Variants in PCDHA1 observed in about 807,000 individuals in gnomAD.
PCDHA1 encodes the protein protocadherin alpha-1.
Under a neutral mutation model 61.3 loss-of-function variants are expected in PCDHA1, and 42 were observed. The ratio of observed to expected loss-of-function variants is 0.69; its 90% CI spans 0.54 to 0.89. The LOEUF is 0.89. Ranked by LOEUF, PCDHA1 falls within the 40% of genes least tolerant of loss-of-function variation. The pLI, the probability that PCDHA1 is intolerant of heterozygous loss-of-function variation, is 0.00. For missense variants in PCDHA1, 1,256 were observed against 1,235.3 expected, an observed-to-expected ratio of 1.02 and a Z score of -0.25; for synonymous variants, 610 against 553.8, an observed-to-expected ratio of 1.10 and a Z score of -1.43.
At chr5:140,996,831 T>C (rs1196344709) in intron 3 of PCDHA1, among the ~76,000 whole-genome samples, 1 of 152,204 alleles carries the variant, frequency 6.6e-6, no homozygotes, top group Non-Finnish European at 1.5e-5. Flanking sequence ...CTACCAATAA[T>C]TTAGCGTGCA....
chr5:140,850,803 A>C, intron 1 of PCDHA1: 1 of 1,598,380 alleles, frequency 6.3e-7, no homozygotes, highest in African/African-American at 1.3e-5. Flanking sequence ...GACCGACCTC[A>C]TGGCCTTCAG....
chr5:140,971,943 A>T (rs2096507947), intron 1 of PCDHA1, among the ~76,000 whole-genome samples: 1 of 152,186 alleles, frequency 6.6e-6, no homozygotes, highest in Non-Finnish European at 1.5e-5. Flanking sequence ...AGTTGTATCC[A>T]TCTGACTCCA....
At position 140,924,894 on chromosome 5, in the gene PCDHA1, CA is replaced by C. The variant is rs782133089; in HGVS notation, c.2395-54044del. 4.9e-4 allele frequency among the ~76,000 whole-genome samples: 35 copies of C among 71,496 alleles called. 1 individual carries two copies. Among genetic ancestry groups the C allele is most frequent in the Admixed American group, 2.6e-3 (18 of 6,864 alleles). The allele number at this position is 71,496 out of a possible 152,430, so 46.9% of individuals were successfully genotyped here. On this transcript the variant is annotated intron_variant, in intron 1 of 3. Coordinates refer to ENST00000504120, the MANE Select transcript of PCDHA1 (RefSeq NM_018900.4). Reference sequence around the variant, plus strand: ...TGGGTGACAGAGCAAGAACCTGTCTCAAAAAAAAAAATAAAATAAAATAAAA... The same window carrying C: ...TGGGTGACAGAGCAAGAACCTGTCTCAAAAAAAAAATAAAATAAAATAAAA...
chr5:140,876,330 A>G, intron 1 of PCDHA1: 2 of 1,614,042 alleles, frequency 1.2e-6, no homozygotes, highest in Admixed American at 1.7e-5. Flanking sequence ...TGATTTTGCC[A>G]GTGAGTGAGA....
intron 1 of PCDHA1, chr5:140,802,445 G>A: frequency 2.5e-6 from 4 of 1,614,240 alleles, no homozygotes; most frequent in Non-Finnish European, 3.4e-6. Context: ...TGGACCGCGA[G>A]AGCGTGTCGG....
chr5:140,979,186 C>T, intron 2 of PCDHA1, 179 bp downstream of exon 2: 2 of 914,118 alleles, frequency 2.2e-6, no homozygotes, highest in Non-Finnish European at 2.6e-6. Context: ...ATGGTCAGTG[C>T]CAGATGCTTA....
At chr5:140,828,744 G>T (rs1769918189) in intron 1 of PCDHA1, 30 of 1,614,110 alleles carry the variant, frequency 1.9e-5, no homozygotes, top group Non-Finnish European at 2.5e-5. Context: ...ACAGATGGGG[G>T]CAAACCTGAG....
At chr5:140,881,382 C>A in intron 1 of PCDHA1, 1 of 984,112 alleles carries the variant, frequency 1.0e-6, no homozygotes, top group Non-Finnish European at 1.2e-6. Context: ...CAGCCGGCGG[C>A]GGTAAGTTAA....
chr5:140,809,605 G>T, intron 1 of PCDHA1: 1 of 1,524,890 alleles, frequency 6.6e-7, no homozygotes, highest in Admixed American at 2.2e-5. Context: ...TTTAATTTTC[G>T]TATTGTTTTT....
intron 1 of PCDHA1, chr5:140,807,742 T>A (rs1554124240): frequency 8.1e-6 from 13 of 1,614,190 alleles, no homozygotes; most frequent in Non-Finnish European, 1.0e-5. Context: ...AACCACCTGA[T>A]GACGAGCTGG....
intron 1 of PCDHA1, among the ~76,000 whole-genome samples, chr5:140,959,893 T>A (rs782431808): frequency 6.6e-6 from 1 of 152,194 alleles, no homozygotes; most frequent in Non-Finnish European, 1.5e-5. Flanking sequence ...CGAGTGGGAT[T>A]TATATCAGAA....
intron 3 of PCDHA1, among the ~76,000 whole-genome samples, chr5:140,996,177 C>T (rs1214472705): frequency 6.6e-6 from 1 of 152,226 alleles, no homozygotes; most frequent in Non-Finnish European, 1.5e-5. Flanking sequence ...GCTGACAGCA[C>T]CTCCATTTTA....
At chr5:140,794,929 G>C in intron 1 of PCDHA1, 3 of 1,559,998 alleles carry the variant, frequency 1.9e-6, no homozygotes, top group African/African-American at 1.4e-5. Context: ...TGCAAAACAT[G>C]CTCTTCTAAT....
intron 1 of PCDHA1, chr5:140,927,030 A>T: frequency 6.2e-7 from 1 of 1,612,410 alleles, no homozygotes; most frequent in Non-Finnish European, 8.5e-7. Flanking sequence ...TGAGGCTGCC[A>T]GCGGCCGCTA....
chr5:140,803,361 C>T (rs372773080), intron 1 of PCDHA1: 23 of 1,614,192 alleles, frequency 1.4e-5, no homozygotes, highest in Non-Finnish European at 1.9e-5. Context: ...TACTGCTCTG[C>T]GGTGCTCCGC....
chr5:140,874,500 C>T (rs1241228989), intron 1 of PCDHA1, among the ~76,000 whole-genome samples: 1 of 152,220 alleles, frequency 6.6e-6, no homozygotes, highest in African/African-American at 2.4e-5. Context: ...ATCAAGTTCA[C>T]ATTCTCTTGA....
rs781930925 is a variant in PCDHA1 at position 140,797,047 on chromosome 5, G to T, written c.2394+8363G>T. ...CGCGGGCTCAGAGGCTACGCTGGTG[G>T]ATGTCAACGTGTACCTGATCATCGC... On this transcript the variant is annotated intron_variant, in intron 1 of 3. Coordinates refer to ENST00000504120, the MANE Select transcript of PCDHA1 (RefSeq NM_018900.4). The T allele has an allele frequency of 2.5e-6, 4 of 1,613,754 alleles. 1 individual carries two copies. The South Asian group carries it at 4.4e-5, about 18-fold the overall frequency.
intron 1 of PCDHA1, among the ~76,000 whole-genome samples, chr5:140,897,278 A>C (rs993702418): frequency 1.1e-4 from 16 of 151,088 alleles, no homozygotes; most frequent in Non-Finnish European, 1.8e-4. Context: ...GGTGTGCTGC[A>C]CCCATTAACT....
At chr5:140,902,761 G>A (rs58783050) in intron 1 of PCDHA1, among the ~76,000 whole-genome samples, 3,599 of 148,306 alleles carry the variant, frequency 0.024, 139 homozygotes, top group African/African-American at 0.083. Flanking sequence ...TCATTCTTAT[G>A]TCTTTGCATT....
Sources: gnomAD v4.1 joint callset for allele counts (sites outside exome capture counted in the v4.1 genomes callset) on GRCh38, gnomAD v4.1.1 for gene constraint, MANE v1.5 for transcripts, NCBI Gene and HGNC (gene_info 2026-07-23, HGNC 2026-07-21) for gene names.